Variants in ASIC2 observed in about 807,000 individuals in gnomAD.
The protein encoded by ASIC2 is acid sensing ion channel subunit 2, also known as acid-sensing ion channel 2.
Under a neutral mutation model 57.3 loss-of-function variants are expected in ASIC2, and 25 were observed. The ratio of observed to expected loss-of-function variants is 0.44; its 90% CI spans 0.32 to 0.61. ASIC2 has a LOEUF of 0.61. ASIC2 is among the 20% of genes least tolerant of loss of function. ASIC2 has a pLI of 0.06. For missense variants in ASIC2, 641 were observed against 738.1 expected (o/e 0.87, Z 1.52); for synonymous variants, 319 against 307.5 (o/e 1.04, Z -0.39).
intron 1 of ASIC2, among the ~76,000 whole-genome samples, chr17:33,764,818 A>G (rs1388836960): frequency 6.6e-6 from 1 of 151,558 alleles, no homozygotes. Flanking sequence ...GCACAATAGC[A>G]ATGGGTATGT....
chr17:33,673,742 A>G (rs1157546113), intron 1 of ASIC2, among the ~76,000 whole-genome samples: 1 of 152,142 alleles, frequency 6.6e-6, no homozygotes, highest in Non-Finnish European at 1.5e-5. Flanking sequence ...CAGGGGATTA[A>G]ATCCTATGCA....
chr17:33,715,015 T>A (rs1174557740), intron 1 of ASIC2, among the ~76,000 whole-genome samples: 1 of 97,508 alleles, frequency 1.0e-5, no homozygotes, highest in African/African-American at 5.2e-5. Flanking sequence ...TATTATTATT[T>A]TGAGTCAGGG....
intron 1 of ASIC2, chr17:33,793,559 T>C (rs536671548): frequency 1.3e-4 from 20 of 152,334 alleles, no homozygotes; most frequent in African/African-American, 4.8e-4. Context: ...GCAAGGGTTA[T>C]TGTCTCATTA....
chr17:33,936,812 T>A (rs1188999550), intron 1 of ASIC2: 1 of 152,208 alleles, frequency 6.6e-6, no homozygotes, highest in Non-Finnish European at 1.5e-5. Context: ...ATCACCATCA[T>A]TCCATGTGAC....
intron 1 of ASIC2, among the ~76,000 whole-genome samples, chr17:33,706,196 A>G (rs1318412327): frequency 1.9e-5 from 2 of 107,258 alleles, no homozygotes; most frequent in South Asian, 3.1e-4. Flanking sequence ...GACTATACAT[A>G]TATGATTCAT....
At chr17:33,530,415 G>T (rs376101104) in intron 1 of ASIC2, among the ~76,000 whole-genome samples, 3 of 152,260 alleles carry the variant, frequency 2.0e-5, no homozygotes, top group Non-Finnish European at 2.9e-5. Flanking sequence ...CCCTTTGTCT[G>T]TTATGCCCCA....
chr17:33,627,494 C>T (rs1011412291), intron 1 of ASIC2, among the ~76,000 whole-genome samples: 1 of 152,216 alleles, frequency 6.6e-6, no homozygotes, highest in African/African-American at 2.4e-5. Context: ...CAGCTCCCTC[C>T]TGCTGCTGCT....
chr17:34,063,888 A>G (rs895114218), intron 1 of ASIC2, among the ~76,000 whole-genome samples: 5 of 152,178 alleles, frequency 3.3e-5, no homozygotes, highest in Admixed American at 3.3e-4. Flanking sequence ...ACACAAACAA[A>G]TGGAAACACA....
intron 1 of ASIC2, among the ~76,000 whole-genome samples, chr17:33,844,483 C>T (rs1913525161): frequency 6.6e-6 from 1 of 152,152 alleles, no homozygotes; most frequent in Non-Finnish European, 1.5e-5. Context: ...CTGTTGCCGG[C>T]ATCCAAGTAA....
At chr17:33,709,195 C>T (rs947956402) in intron 1 of ASIC2, among the ~76,000 whole-genome samples, 1 of 152,168 alleles carries the variant, frequency 6.6e-6, no homozygotes, top group Non-Finnish European at 1.5e-5. Flanking sequence ...CTGCCTGTTT[C>T]CCTCATTTCC....
chr17:33,640,662 T>C (rs1906532931), intron 1 of ASIC2, among the ~76,000 whole-genome samples: 1 of 152,200 alleles, frequency 6.6e-6, no homozygotes, highest in South Asian at 2.1e-4. Context: ...TTGAGTAGCG[T>C]TCAGGGTTTA....
intron 1 of ASIC2, among the ~76,000 whole-genome samples, chr17:33,208,468 C>A (rs1403674649): frequency 6.6e-6 from 1 of 151,986 alleles, no homozygotes; most frequent in Non-Finnish European, 1.5e-5. Flanking sequence ...CTTGGGACAC[C>A]TTCATTCTTG....
chr17:33,302,063 G>T (rs1263685391), intron 1 of ASIC2, among the ~76,000 whole-genome samples: 2 of 152,114 alleles, frequency 1.3e-5, no homozygotes, highest in East Asian at 3.9e-4. Context: ...TTCTAAGTTC[G>T]GGCCACCTTC....
intron 1 of ASIC2, among the ~76,000 whole-genome samples, chr17:33,431,234 G>T (rs900763930): frequency 2.0e-5 from 3 of 152,158 alleles, no homozygotes; most frequent in South Asian, 4.1e-4. Flanking sequence ...CCAACCAGGA[G>T]TACCCCATCC....
intron 1 of ASIC2, among the ~76,000 whole-genome samples, chr17:33,682,457 C>A (rs187605139): frequency 6.6e-6 from 1 of 152,222 alleles, no homozygotes; most frequent in East Asian, 1.9e-4. Context: ...ATCCAGAAGA[C>A]CTGCGTGCGG....
chr17:34,059,296 A>G lies in ASIC2; in HGVS notation c.555+96682T>C, dbSNP rs996905503. Among the ~76,000 whole-genome samples, 99 of 152,306 alleles carry G rather than the reference A, an allele frequency of 6.5e-4. 1 individual carries two copies. Among genetic ancestry groups the G allele is most frequent in the African/African-American group, 2.1e-3 (89 of 41,550 alleles). On this transcript the variant is annotated intron_variant, in intron 1 of 9. Transcript: ENST00000359872. ...TCTGACTTTACCTGAAGCTGAGTAA[A>G]GTTAGAGAGCTGAGCAAAATACAGG...
chr17:33,906,011 A>ATTTTTTTT (rs72050716), intron 1 of ASIC2, among the ~76,000 whole-genome samples: 1 of 132,532 alleles, frequency 7.5e-6, no homozygotes. Flanking sequence ...TTTTAATTAA[A>ATTTTTTTT]TTTTTTTTTT....
chr17:33,050,404 T>C (rs2091970610), intron 3 of ASIC2, among the ~76,000 whole-genome samples: 1 of 152,148 alleles, frequency 6.6e-6, no homozygotes, highest in Non-Finnish European at 1.5e-5. Flanking sequence ...TGGATGACCA[T>C]GGCCTGTGAC....
intron 1 of ASIC2, among the ~76,000 whole-genome samples, chr17:33,735,100 G>A (rs1018199617): frequency 6.6e-6 from 1 of 152,144 alleles, no homozygotes; most frequent in Admixed American, 6.5e-5. Flanking sequence ...TCCTGTAGCA[G>A]TTTCTGTGAC....
Sources: allele counts gnomAD v4.1 joint callset (sites outside exome capture counted in the v4.1 genomes callset), GRCh38; gene constraint gnomAD v4.1.1; transcripts MANE v1.5; gene names NCBI Gene and HGNC (gene_info 2026-07-23, HGNC 2026-07-21).